The following TP53INP1 variants were observed in gnomAD, a reference collection of about 807,000 sequenced individuals.
TP53INP1 encodes the protein tumor protein p53-inducible nuclear protein 1.
TP53INP1 carries 12 observed loss-of-function variants against 21.0 expected under a neutral mutation model. That is an observed-to-expected ratio of 0.57 (90% confidence interval 0.37 to 0.93). The LOEUF (loss-of-function observed/expected upper bound fraction) is 0.93, where lower values mean the gene tolerates loss of function less well. Among genes scored for constraint, TP53INP1 ranks in the 40% least tolerant of loss-of-function variants. TP53INP1 has a pLI of 0.01. For synonymous variants in TP53INP1, 91 were observed against 94.8 expected (o/e 0.96, Z 0.23); for missense variants, 274 against 294.7 (o/e 0.93, Z 0.51).
At position 94,926,290 on chromosome 8, in the gene TP53INP1, T is replaced by A. The variant is rs1338631036; in HGVS notation, c.*4189A>T. On this transcript the variant is annotated 3_prime_UTR_variant, in exon 4 of 4. Coordinates refer to ENST00000342697, the MANE Select transcript of TP53INP1 (RefSeq NM_033285.4). ...GAATTTTCAAGTTACTGAAAAAAAATGTGTCGAGAAACACATTAAGAAGGC... is the reference window on the plus strand; with the variant it reads ...GAATTTTCAAGTTACTGAAAAAAAAAGTGTCGAGAAACACATTAAGAAGGC... The A allele has an allele frequency of 2.0e-5, 3 of 151,698 alleles. No individual in the cohort carries two copies. Among genetic ancestry groups the A allele is most frequent in the African/African-American group, 2.4e-5 (1 of 41,022 alleles). 9.4% of individuals were successfully genotyped at this position (151,698 alleles called of 1,614,324 possible).
At chr8:94,936,150 C>T (rs1407014494) in intron 3 of TP53INP1, among the ~76,000 whole-genome samples, 1 of 152,212 alleles carries the variant, frequency 6.6e-6, no homozygotes, top group Admixed American at 6.5e-5. Context: ...TGCCACAGGA[C>T]ATTAATTGAA....
Position 94,928,852 on chromosome 8 carries a change from C to G in TP53INP1, c.*1627G>C, listed in dbSNP as rs930993071. The G allele has an allele frequency of 5.9e-5, 9 of 152,532 alleles. No homozygotes were observed. The highest frequency in any genetic ancestry group is 2.2e-4 in the African/African-American group (9 of 41,438). The allele number at this position is 152,532 out of a possible 1,614,324, so 9.4% of individuals were successfully genotyped here. A position where few individuals can be genotyped will look rare whatever the true frequency, so the allele number is the denominator to read the frequency against. On this transcript the variant is annotated 3_prime_UTR_variant, in exon 4 of 4. Coordinates refer to ENST00000342697, the MANE Select transcript of TP53INP1 (RefSeq NM_033285.4). The stretch of plus-strand genomic sequence containing the variant: ...CTTCACTTAAGGATATGCTGCTTTT[C>G]TCCTTGAAAACATTTTGTAGACCTG...
intron 3 of TP53INP1, among the ~76,000 whole-genome samples, chr8:94,932,338 A>G (rs1251588688): frequency 6.6e-6 from 1 of 152,162 alleles, no homozygotes; most frequent in African/African-American, 2.4e-5. Flanking sequence ...AAGCACCTCA[A>G]TTTTCTGTGC....
chr8:94,940,349 C>A, intron 2 of TP53INP1, 129 bp from the exon 3 acceptor site: 1 of 1,082,898 alleles, frequency 9.2e-7, no homozygotes, highest in Middle Eastern at 2.4e-4. Context: ...AGAGATGATA[C>A]TATTAGCTGA....
rs1821383009 is a variant in TP53INP1 at position 94,940,164 on chromosome 8, C to A, written c.169G>T (p.Glu57Ter). 1 of 1,614,010 alleles carries A rather than the reference C, an allele frequency of 6.2e-7. No homozygotes were observed. The highest frequency in any genetic ancestry group is 1.3e-5 in the African/African-American group (1 of 74,936). Reference sequence around the variant, plus strand: ...ACTGAAGGGTGCTCAGTAGGTGACTCTTCACTGATGTCCTCCTCTTCTTCT... The same window carrying A: ...ACTGAAGGGTGCTCAGTAGGTGACTATTCACTGATGTCCTCCTCTTCTTCT... ...EEEEEEDISE[E>*]SPTEHPSVFS... Residue 57 changes from glutamate (E) to a stop codon, truncating the protein, a stop_gained, in exon 3 of 4, where the codon GAG (glutamate) becomes TAG (stop). Transcript: ENST00000342697. LOFTEE classifies it high-confidence loss of function.
Position 94,930,426 on chromosome 8 carries a change from T to C in TP53INP1, c.*53A>G. On this transcript the variant is annotated 3_prime_UTR_variant, in exon 4 of 4. Coordinates refer to ENST00000342697, the MANE Select transcript of TP53INP1 (RefSeq NM_033285.4). ...CATTTTCACTGTACATATACACACA[T>C]CCATACATGTAAGCACAAACCAAGA... 2.5e-6 allele frequency: 4 copies of C among 1,605,926 alleles called. No individual in the cohort carries two copies. The highest frequency in any genetic ancestry group is 3.4e-6 in the Non-Finnish European group (4 of 1,174,514).
At chr8:94,948,450 G>A (rs1164089536) in intron 1 of TP53INP1, among the ~76,000 whole-genome samples, 1 of 152,256 alleles carries the variant, frequency 6.6e-6, no homozygotes, top group Non-Finnish European at 1.5e-5. Context: ...AAGGGCCAAG[G>A]AGAGCGCTCT....
At chr8:94,937,649 T>C (rs187629568) in intron 3 of TP53INP1, among the ~76,000 whole-genome samples, 11 of 152,236 alleles carry the variant, frequency 7.2e-5, no homozygotes, top group African/African-American at 2.2e-4. Flanking sequence ...CATTTTTTTT[T>C]CCTCTACTGG....
chr8:94,931,567 G>T lies in TP53INP1; in HGVS notation c.474-839C>A, dbSNP rs1176723107. 2.1e-5 allele frequency among the ~76,000 whole-genome samples: 3 copies of T among 141,976 alleles called. No individual in the cohort carries two copies. In the East Asian group the frequency reaches 6.1e-4, roughly 29 times the overall value. The allele number at this position is 141,976 out of a possible 152,430, so 93.1% of individuals were successfully genotyped here. A position where few individuals can be genotyped will look rare whatever the true frequency, so the allele number is the denominator to read the frequency against. ...TGACACATTCTGCCTAAAATCACTT[G>T]AGGAAACACACATATTTATTACACA... is the stretch of plus-strand genomic sequence containing the variant. On this transcript the variant is annotated intron_variant, in intron 3 of 3. Coordinates refer to ENST00000342697, the MANE Select transcript of TP53INP1 (RefSeq NM_033285.4).
chr8:94,946,347 T>A (rs1052725043), intron 1 of TP53INP1, among the ~76,000 whole-genome samples: 5 of 152,112 alleles, frequency 3.3e-5, no homozygotes, highest in African/African-American at 1.2e-4. Context: ...CTTGTTAGCA[T>A]AATTTATTTT....
chr8:94,936,355 C>T (rs1820975315), intron 3 of TP53INP1, among the ~76,000 whole-genome samples: 1 of 152,170 alleles, frequency 6.6e-6, no homozygotes, highest in Non-Finnish European at 1.5e-5. Context: ...GAGCCTCTCC[C>T]CACCTTGGAC....
chr8:94,935,177 A>AGATAGATAG, intron 3 of TP53INP1, among the ~76,000 whole-genome samples: 1 of 152,184 alleles, frequency 6.6e-6, no homozygotes, highest in African/African-American at 2.4e-5. Flanking sequence ...AGATAGATAT[A>AGATAGATAG]ATACAATACT....
rs774896614 is a variant in TP53INP1, at chr8:94,940,087, G to A, written c.246C>T (p.Ser82=). The A allele has an allele frequency of 6.2e-7, 1 of 1,614,202 alleles. No homozygotes were observed. Among genetic ancestry groups the A allele is most frequent in the Non-Finnish European group, 8.5e-7 (1 of 1,180,026 alleles). ...SLECLADTSD[S]CFLQFESCPM... The stretch of plus-strand genomic sequence containing the variant: ...GACATGACTCAAACTGGAGAAAGCA[G>A]GAATCACTTGTATCAGCCAAGCACT... Residue 82 remains serine, a synonymous_variant, in exon 3 of 4, where the codon TCC becomes TCT. Transcript: ENST00000342697.
intron 3 of TP53INP1, 53 bp from the exon 4 acceptor site, chr8:94,930,781 A>G: frequency 6.3e-7 from 1 of 1,576,506 alleles, no homozygotes; most frequent in Non-Finnish European, 8.6e-7. Context: ...GTTATTAACA[A>G]AACTGGAAAA....
intron 3 of TP53INP1, among the ~76,000 whole-genome samples, chr8:94,934,927 A>G (rs2131336527): frequency 6.6e-6 from 1 of 152,304 alleles, no homozygotes; most frequent in East Asian, 1.9e-4. Context: ...GGCATCATGT[A>G]ACATAAGAAA....
Position 94,940,084 on chromosome 8 carries a change from G to A in TP53INP1, c.249C>T (p.Cys83=). ...LECLADTSDS[C]FLQFESCPME... ...TTGGACATGACTCAAACTGGAGAAA[G>A]CAGGAATCACTTGTATCAGCCAAGC... Residue 83 remains cysteine (C), a synonymous_variant, in exon 3 of 4, where the codon TGC becomes TGT. Transcript: ENST00000342697. 6.2e-7 allele frequency: 1 copy of A among 1,614,212 alleles called. No individual in the cohort carries two copies. Among genetic ancestry groups the A allele is most frequent in the Non-Finnish European group, 8.5e-7 (1 of 1,180,030 alleles).
chr8:94,938,764 C>G (rs1821235683), intron 3 of TP53INP1, among the ~76,000 whole-genome samples: 1 of 152,166 alleles, frequency 6.6e-6, no homozygotes, highest in Non-Finnish European at 1.5e-5. Flanking sequence ...TCATCTGTAT[C>G]CTTTTTAATA....
chr8:94,944,433 C>A (rs1441524718), intron 1 of TP53INP1, among the ~76,000 whole-genome samples: 1 of 152,212 alleles, frequency 6.6e-6, no homozygotes, highest in Non-Finnish European at 1.5e-5. Context: ...CAGCTTCTGC[C>A]TGGAATATAT....
In TP53INP1 at chr8:94,932,057, T is replaced by C. The variant is rs112270989; in HGVS notation, c.474-1329A>G. ...ATACATATATCACACAGTCTCAAAGTGAATATACTTACTCTGTGCCCGTGA... is the reference window on the plus strand; with the variant it reads ...ATACATATATCACACAGTCTCAAAGCGAATATACTTACTCTGTGCCCGTGA... On this transcript the variant is annotated intron_variant, in intron 3 of 3. Transcript: ENST00000342697. 1.6e-4 allele frequency: 255 copies of C among 1,607,990 alleles called. No individual in the cohort carries two copies. The African/African-American group carries it at 2.9e-3, about 18-fold the overall frequency.
Sources: allele counts gnomAD v4.1 joint callset (sites outside exome capture counted in the v4.1 genomes callset), GRCh38; gene constraint gnomAD v4.1.1; transcripts MANE v1.5; gene names NCBI Gene and HGNC (gene_info 2026-07-23, HGNC 2026-07-21).